Variants in PCDHA10 observed in about 807,000 individuals in gnomAD.
PCDHA10 encodes the protein protocadherin alpha 10.
Under a neutral mutation model 61.2 loss-of-function variants are expected in PCDHA10, and 45 were observed. The observed-to-expected ratio is 0.74, with a 90% CI of 0.58 to 0.94. PCDHA10 has a LOEUF of 0.94. PCDHA10 is among the 40% of genes least tolerant of loss of function. PCDHA10 has a pLI of 0.00. For synonymous variants in PCDHA10, 602 were observed against 548.8 expected (o/e 1.10, Z -1.35); for missense variants, 1,278 against 1,236.2 (o/e 1.03, Z -0.51).
intron 1 of PCDHA10, chr5:140,884,055 C>T (rs782119019): frequency 2.2e-5 from 36 of 1,613,356 alleles, no homozygotes; most frequent in Non-Finnish European, 1.7e-6. Flanking sequence ...AAGGTGCGCG[C>T]GGTGGACGCC....
chr5:140,937,106 C>T (rs2091337574), intron 1 of PCDHA10, among the ~76,000 whole-genome samples: 1 of 149,206 alleles, frequency 6.7e-6, no homozygotes, highest in Admixed American at 6.7e-5. Context: ...GGCGCAGTCT[C>T]GGCTCACTGC....
chr5:140,903,962 G>C (rs548680386), intron 1 of PCDHA10, among the ~76,000 whole-genome samples: 21 of 152,226 alleles, frequency 1.4e-4, no homozygotes. Flanking sequence ...ATTATTTGTT[G>C]ATTTTTGGTC....
Position 140,927,036 on chromosome 5 carries a change from C to T in PCDHA10, c.2389-51913C>T, listed in dbSNP as rs137875923. 7.2e-5 allele frequency: 116 copies of T among 1,612,314 alleles called. No individual in the cohort carries two copies. In the African/African-American group the frequency reaches 1.3e-3, roughly 19 times the overall value. ...CCGCGGACTTGAGGCTGCCAGCGGC[C>T]GCTATGTCCTCGCGGAACTTTCGCT... On this transcript the variant is annotated intron_variant, in intron 1 of 3. Coordinates refer to ENST00000307360, the MANE Select transcript of PCDHA10 (RefSeq NM_018901.4).
intron 1 of PCDHA10, among the ~76,000 whole-genome samples, chr5:140,941,259 T>TTCTTTC (rs1554214225): frequency 1.2e-3 from 146 of 121,812 alleles, no homozygotes; most frequent in African/African-American, 3.7e-3. Flanking sequence ...TTCTTTCTCT[T>TTCTTTC]TCTTTCTTTC....
intron 1 of PCDHA10, chr5:140,926,735 G>A (rs2083511846): frequency 1.1e-5 from 12 of 1,140,634 alleles, no homozygotes; most frequent in African/African-American, 1.6e-5. Context: ...GCGTTCGGGA[G>A]GCGCAACGTC....
At chr5:140,923,434 G>A (rs1461886077) in intron 1 of PCDHA10, among the ~76,000 whole-genome samples, 1 of 152,088 alleles carries the variant, frequency 6.6e-6, no homozygotes, top group Non-Finnish European at 1.5e-5. Context: ...AGGCTGGGGT[G>A]GGAGGATCAC....
intron 3 of PCDHA10, among the ~76,000 whole-genome samples, chr5:141,008,297 A>G (rs2098368469): frequency 6.6e-6 from 1 of 152,178 alleles, no homozygotes; most frequent in South Asian, 2.1e-4. Context: ...GTTGTACCCA[A>G]CCCTAAACTG....
intron 1 of PCDHA10, among the ~76,000 whole-genome samples, chr5:140,912,581 T>C (rs2075985656): frequency 6.6e-6 from 1 of 152,178 alleles, no homozygotes; most frequent in Admixed American, 6.5e-5. Flanking sequence ...CTTTTCCAAT[T>C]TGGATGCCCT....
chr5:140,984,413 C>A lies in PCDHA10; in HGVS notation c.2536+1850C>A, dbSNP rs75063168. Among the ~76,000 whole-genome samples, 1,502 of 152,262 alleles carry A rather than the reference C, an allele frequency of 9.9e-3. 20 individuals carry two copies. Among genetic ancestry groups the A allele is most frequent in the African/African-American group, 0.035 (1,434 of 41,536 alleles). On this transcript the variant is annotated intron_variant, in intron 3 of 3. Transcript: ENST00000307360. ...AAATGTTGAGAACCTATCTTTTTTA[C>A]AGAGATAGAGAAGGGGATCTCCCTT...
chr5:141,000,389 C>CTATA (rs2097911342), intron 3 of PCDHA10, among the ~76,000 whole-genome samples: 3 of 62,588 alleles, frequency 4.8e-5, no homozygotes, highest in Non-Finnish European at 8.6e-5. Flanking sequence ...CTCTCTCTCT[C>CTATA]TCTCTCTATA....
intron 1 of PCDHA10, chr5:140,869,196 C>G (rs2050913789): frequency 6.2e-7 from 1 of 1,614,030 alleles, no homozygotes; most frequent in Non-Finnish European, 8.5e-7. Flanking sequence ...GCGGCCAGCT[C>G]CACTACTCCG....
At chr5:140,871,284 T>G in intron 1 of PCDHA10, 1 of 1,613,896 alleles carries the variant, frequency 6.2e-7, no homozygotes. Flanking sequence ...CAACGCCCAC[T>G]GAGGGCGCGT....
chr5:140,858,285 G>C lies in PCDHA10; in HGVS notation c.2237G>C (p.Trp746Ser). ...TLVCSSAVGS[W>S]SYSQQRRQRV... ...GTGTGCTCTAGCGCGGTGGGGAGCT[G>C]GTCTTACTCGCAGCAGAGGCGGCAG... Residue 746 changes from tryptophan (W) to serine (S), a missense_variant, in exon 1 of 4, where the codon TGG becomes TCG. By Grantham distance (177) the Trp-to-Ser change is radical. Transcript: ENST00000307360. 6.3e-7 allele frequency: 1 copy of C among 1,597,520 alleles called. No homozygotes were observed. The highest frequency in any genetic ancestry group is 8.6e-7 in the Non-Finnish European group (1 of 1,167,302).
chr5:140,941,876 C>T (rs1293978062), intron 1 of PCDHA10, among the ~76,000 whole-genome samples: 1 of 152,166 alleles, frequency 6.6e-6, no homozygotes, highest in Non-Finnish European at 1.5e-5. Flanking sequence ...GTTCTATCAC[C>T]AGTGACTAGC....
chr5:140,982,561 C>G lies in PCDHA10; in HGVS notation c.2534C>G (p.Pro845Arg), dbSNP rs560422677. ...QQWPTVSSAT[P>R]EPEAGEVSPP... The stretch of plus-strand genomic sequence containing the variant: ...TGGCCAACAGTATCCAGTGCAACAC[C>G]AGGTAAAGAGCTGGGGTCTCTCCAT... The change falls in exon 3 of 4, where the codon CCA (proline) becomes CGA (arginine). Residue 845 changes from proline (P) to arginine (R), a missense_variant and splice_region_variant. By Grantham distance (103) the Pro-to-Arg change is moderately radical. Coordinates refer to ENST00000307360, the MANE Select transcript of PCDHA10 (RefSeq NM_018901.4). The G allele has an allele frequency of 6.2e-7, 1 of 1,614,060 alleles. No individual in the cohort carries two copies. Among genetic ancestry groups the G allele is most frequent in the African/African-American group, 1.3e-5 (1 of 75,052 alleles).
chr5:140,994,434 G>A (rs1238502710), intron 3 of PCDHA10, among the ~76,000 whole-genome samples: 1 of 152,156 alleles, frequency 6.6e-6, no homozygotes, highest in African/African-American at 2.4e-5. Flanking sequence ...CGGGCGCAGT[G>A]GCTCACACCT....
chr5:140,951,321 A>AT (rs2094571430), intron 1 of PCDHA10, among the ~76,000 whole-genome samples: 1 of 152,098 alleles, frequency 6.6e-6, no homozygotes, highest in Non-Finnish European at 1.5e-5. Context: ...TATTCTTGAG[A>AT]TTCATCATTC....
intron 1 of PCDHA10, among the ~76,000 whole-genome samples, chr5:140,946,098 A>G (rs1249581075): frequency 6.6e-6 from 1 of 152,114 alleles, no homozygotes; most frequent in Non-Finnish European, 1.5e-5. Flanking sequence ...AGGAGTTAAC[A>G]TACCAAATAT....
chr5:140,884,733 T>A (rs782206169), intron 1 of PCDHA10: 2 of 1,448,004 alleles, frequency 1.4e-6, no homozygotes, highest in African/African-American at 1.4e-5. Flanking sequence ...GTTTAAGACA[T>A]CTTTCCTGCC....
Sources: allele counts gnomAD v4.1 joint callset (sites outside exome capture counted in the v4.1 genomes callset), GRCh38; gene constraint gnomAD v4.1.1; transcripts MANE v1.5; gene names NCBI Gene and HGNC (gene_info 2026-07-23, HGNC 2026-07-21).